AKAP11: variants seen among roughly 807,000 people sequenced by gnomAD.
The protein encoded by AKAP11 is A-kinase anchoring protein 11.
AKAP11 carries 36 observed loss-of-function variants against 146.1 expected under a neutral mutation model. That is an observed-to-expected ratio of 0.25 (90% CI 0.19 to 0.33). The LOEUF (loss-of-function observed/expected upper bound fraction) is 0.33, where lower values mean the gene tolerates loss of function less well. Among genes scored for constraint, AKAP11 ranks in the 10% least tolerant of loss-of-function variants. AKAP11 has a pLI of 1.00. For missense variants in AKAP11, 2,201 were observed against 2,197.0 expected (o/e 1.00, Z -0.04); for synonymous variants, 780 against 786.5 (o/e 0.99, Z 0.14).
chr13:42,298,809 A>T lies in AKAP11; in HGVS notation c.616+12A>T, dbSNP rs760084558. The T allele has an allele frequency of 7.8e-6, 12 of 1,538,456 alleles. No homozygotes were observed. The highest frequency in any genetic ancestry group is 1.0e-5 in the Non-Finnish European group (12 of 1,156,000). On this transcript the variant is annotated intron_variant, in intron 7 of 12. Transcript: ENST00000025301. ...GCCATACAATGATGGTTTGTTTTTC[A>T]TTAGACTTTTTCCTAAAATAGGGAA...
chr13:42,299,204 T>G (rs1464334451), intron 7 of AKAP11, among the ~76,000 whole-genome samples, 159 bp from the exon 8 acceptor site: 1 of 152,230 alleles, frequency 6.6e-6, no homozygotes, highest in Non-Finnish European at 1.5e-5. Flanking sequence ...ACAGTATATT[T>G]ACTTTCAAAT....
chr13:42,293,367 C>T (rs1422730949), intron 4 of AKAP11, among the ~76,000 whole-genome samples: 1 of 152,128 alleles, frequency 6.6e-6, no homozygotes, highest in Non-Finnish European at 1.5e-5. Flanking sequence ...TATGTATTCT[C>T]TTTCGGGTGG....
chr13:42,308,659 G>A, intron 9 of AKAP11, 50 bp downstream of exon 9: 1 of 1,389,730 alleles, frequency 7.2e-7, no homozygotes, highest in African/African-American at 1.4e-5. Flanking sequence ...TCAGATCTTA[G>A]AAGTGAGCTA....
In AKAP11 at chr13:42,300,013, C is replaced by G. The variant is rs1426046744; in HGVS notation, c.1267C>G (p.Pro423Ala). The G allele has an allele frequency of 9.9e-6, 16 of 1,613,832 alleles. No individual in the cohort carries two copies. Among genetic ancestry groups the G allele is most frequent in the Middle Eastern group, 3.3e-4 (2 of 6,084 alleles). ...RKPTPRKPES[P>A]YGNLCDAPDS... ...GCCAACTCCTCGTAAACCAGAATCT[C>G]CATATGGTAACCTGTGTGATGCTCC... The change falls in exon 8 of 13, where the codon CCA (proline) becomes GCA (alanine). Residue 423 changes from proline (P) to alanine (A), a missense_variant. Physicochemically the swap from Pro to Ala is conservative, Grantham distance 27. Coordinates refer to ENST00000025301, the MANE Select transcript of AKAP11 (RefSeq NM_016248.4).
At chr13:42,278,889 A>T (rs1958989481) in intron 1 of AKAP11, among the ~76,000 whole-genome samples, 1 of 148,714 alleles carries the variant, frequency 6.7e-6, no homozygotes, top group African/African-American at 2.5e-5. Context: ...ATTTTGCCTT[A>T]ATTTTTGAAA....
At chr13:42,304,128 A>G (rs932224809) in intron 8 of AKAP11, among the ~76,000 whole-genome samples, 2 of 152,228 alleles carry the variant, frequency 1.3e-5, no homozygotes, top group African/African-American at 4.8e-5. Context: ...ATCCAAGTTC[A>G]TAGAGCTATG....
chr13:42,300,349 C>G lies in AKAP11; in HGVS notation c.1603C>G (p.Gln535Glu). The G allele has an allele frequency of 1.9e-6, 3 of 1,604,244 alleles. No individual in the cohort carries two copies. The highest frequency in any genetic ancestry group is 2.5e-6 in the Non-Finnish European group (3 of 1,177,090). ...TVTFKHGNLD[Q>E]KNKSKNKSLM... ...AACTTTTAAGCATGGAAACCTTGAT[C>G]AAAAAAATAAATCTAAAAATAAATC... is the stretch of plus-strand genomic sequence containing the variant. Residue 535 changes from glutamine (Q) to glutamate (E), a missense_variant, in exon 8 of 13, where the codon CAA becomes GAA. This residue lies in a region of AKAP11 where 1,867 missense variants were observed against 1,833.5 expected (regional missense o/e 1.02). Transcript: ENST00000025301.
chr13:42,301,370 T>C lies in AKAP11; in HGVS notation c.2624T>C (p.Phe875Ser). ...AATGATCCTGCAATTATTAGCAACTTTTCTGCAGCAGTGGTGCATACGATA... is the reference window on the plus strand; with the variant it reads ...AATGATCCTGCAATTATTAGCAACTCTTCTGCAGCAGTGGTGCATACGATA... ...LPNDPAIISN[F>S]SAAVVHTIVN... Residue 875 changes from phenylalanine to serine, a missense_variant, in exon 8 of 13, where the codon TTT (phenylalanine) becomes TCT (serine). By Grantham distance (155) the Phe-to-Ser change is radical (BLOSUM62 -2). Coordinates refer to ENST00000025301, the MANE Select transcript of AKAP11 (RefSeq NM_016248.4). 6.2e-7 allele frequency: 1 copy of C among 1,613,918 alleles called. No homozygotes were observed. Among genetic ancestry groups the C allele is most frequent in the Non-Finnish European group, 8.5e-7 (1 of 1,179,946 alleles).
chr13:42,305,032 T>C (rs1372973322), intron 8 of AKAP11, among the ~76,000 whole-genome samples: 1 of 152,226 alleles, frequency 6.6e-6, no homozygotes, highest in African/African-American at 2.4e-5. Context: ...ATCACAGGCG[T>C]GAGCCACCGC....
intron 4 of AKAP11, among the ~76,000 whole-genome samples, chr13:42,295,442 G>A (rs976203939): frequency 2.6e-5 from 4 of 152,104 alleles, no homozygotes; most frequent in Non-Finnish European, 4.4e-5. Flanking sequence ...GAGAGAAGTG[G>A]ATATATTTGA....
At chr13:42,284,335 A>G (rs1053388625) in intron 1 of AKAP11, among the ~76,000 whole-genome samples, 4 of 152,252 alleles carry the variant, frequency 2.6e-5, no homozygotes, top group African/African-American at 7.2e-5. Flanking sequence ...ACTGCCCTGC[A>G]GGTGCCACTT....
intron 8 of AKAP11, among the ~76,000 whole-genome samples, chr13:42,305,476 A>G (rs1378761270): frequency 6.6e-6 from 1 of 152,060 alleles, no homozygotes; most frequent in African/African-American, 2.4e-5. Flanking sequence ...AATGTGGCCT[A>G]CTGGTTGTTT....
At chr13:42,318,857 T>C (rs1176090743) in intron 12 of AKAP11, among the ~76,000 whole-genome samples, 1 of 152,160 alleles carries the variant, frequency 6.6e-6, no homozygotes, top group Non-Finnish European at 1.5e-5. Flanking sequence ...TCTCCAGCGA[T>C]CCCAAAGTGT....
intron 3 of AKAP11, 80 bp from the exon 4 acceptor site, chr13:42,292,305 T>C (rs1471672223): frequency 5.1e-6 from 4 of 791,490 alleles, no homozygotes; most frequent in Non-Finnish European, 7.9e-6. Flanking sequence ...TGAGTGACTA[T>C]CTAAAACATC....
intron 1 of AKAP11, among the ~76,000 whole-genome samples, chr13:42,274,623 T>G (rs957660903): frequency 1.3e-5 from 2 of 150,452 alleles, no homozygotes; most frequent in African/African-American, 2.4e-5. Context: ...GATGGGAGAT[T>G]GCAGTGAGCC....
chr13:42,306,198 TAATA>T (rs1960249842), intron 8 of AKAP11, among the ~76,000 whole-genome samples: 2 of 152,230 alleles, frequency 1.3e-5, no homozygotes, highest in Admixed American at 6.5e-5. Flanking sequence ...AATAAATTGT[TAATA>T]AATATTCTCA....
Position 42,302,033 on chromosome 13 carries a change from T to C in AKAP11, c.3287T>C (p.Val1096Ala). ...EDKQKVRDRNVIPDTPPSTPL... is the reference protein window; with the variant it reads ...EDKQKVRDRNAIPDTPPSTPL... ...AAACAGAAAGTCAGAGACAGAAATG[T>C]AATACCTGATACTCCTCCATCAACT... The change falls in exon 8 of 13, where the codon GTA becomes GCA. Residue 1096 changes from valine to alanine, a missense_variant. This residue lies in a region of AKAP11 where 1,867 missense variants were observed against 1,833.5 expected (regional missense o/e 1.02). Transcript: ENST00000025301. 1.9e-6 allele frequency: 3 copies of C among 1,614,146 alleles called. No individual in the cohort carries two copies. The highest frequency in any genetic ancestry group is 2.2e-5 in the South Asian group (2 of 91,076).
Position 42,308,533 on chromosome 13 carries a change from A to T in AKAP11, c.5197A>T (p.Thr1733Ser). The change falls in exon 9 of 13, where the codon ACT becomes TCT. Residue 1733 changes from threonine (T) to serine (S), a missense_variant. By Grantham distance (58) the Thr-to-Ser change is moderately conservative. Coordinates refer to ENST00000025301, the MANE Select transcript of AKAP11 (RefSeq NM_016248.4). ...GAACCTCAGTATTGGTGATGACAGC[A>T]CTGGTAGCTGGTCCAATTTAAGTTT... ...QMNLSIGDDS[T>S]GSWSNLSFED... 1 of 1,613,580 alleles carries T rather than the reference A, an allele frequency of 6.2e-7. No homozygotes were observed. Among genetic ancestry groups the T allele is most frequent in the Non-Finnish European group, 8.5e-7 (1 of 1,179,616 alleles).
chr13:42,286,828 A>G (rs1019980390), intron 3 of AKAP11, among the ~76,000 whole-genome samples: 5 of 152,202 alleles, frequency 3.3e-5, no homozygotes, highest in African/African-American at 4.8e-5. Flanking sequence ...CTTCTAGTCT[A>G]AGGAGGAACC....
Sources: gnomAD v4.1 joint callset for allele counts (sites outside exome capture counted in the v4.1 genomes callset) on GRCh38, gnomAD v4.1.1 for gene constraint, gnomAD v4.1.1 regional missense constraint, MANE v1.5 for transcripts, NCBI Gene and HGNC (gene_info 2026-07-23, HGNC 2026-07-21) for gene names.